The following GBE1 variants were observed in gnomAD, a reference collection of about 807,000 sequenced individuals.
GBE1 encodes the protein 1,4-alpha-glucan-branching enzyme.
GBE1 carries 70 observed loss-of-function variants against 88.8 expected under a neutral mutation model. The observed-to-expected ratio is 0.79, with a 90% CI of 0.65 to 0.96. The LOEUF is 0.96. GBE1 is among the 40% of genes least tolerant of loss of function. The pLI, the probability that GBE1 is intolerant of heterozygous loss-of-function variation, is 0.00. For synonymous variants in GBE1, 284 were observed against 300.1 expected, an observed-to-expected ratio of 0.95 and a Z score of 0.56; for missense variants, 872 against 871.0, an observed-to-expected ratio of 1.00 and a Z score of -0.01.
chr3:81,638,792 T>C (rs1391140676), intron 7 of GBE1, among the ~76,000 whole-genome samples: 3 of 152,156 alleles, frequency 2.0e-5, no homozygotes, highest in Admixed American at 6.6e-5. Flanking sequence ...TTCTGGTAAC[T>C]TTGATGATGG....
chr3:81,644,236 T>C (rs1256146063), intron 6 of GBE1, among the ~76,000 whole-genome samples: 3 of 151,864 alleles, frequency 2.0e-5, no homozygotes, highest in Non-Finnish European at 4.4e-5. Context: ...GCAAAATACA[T>C]AGAATGTCGA....
intron 9 of GBE1, among the ~76,000 whole-genome samples, chr3:81,588,238 A>G (rs570992354): frequency 2.9e-4 from 44 of 152,120 alleles, no homozygotes; most frequent in African/African-American, 6.5e-4. Context: ...TAGAAAAAAG[A>G]TCAGTAGAAA....
intron 5 of GBE1, among the ~76,000 whole-genome samples, chr3:81,648,491 A>AT (rs1412743416): frequency 6.6e-6 from 1 of 152,014 alleles, no homozygotes; most frequent in African/African-American, 2.4e-5. Context: ...CAGATAAAAT[A>AT]TTTTTTTCCT....
intron 3 of GBE1, among the ~76,000 whole-genome samples, chr3:81,661,568 G>A (rs1705032623): frequency 1.3e-5 from 2 of 152,126 alleles, no homozygotes; most frequent in Non-Finnish European, 2.9e-5. Context: ...GCTTTTATAT[G>A]TATCTTGGAC....
chr3:81,696,216 A>G (rs1444686859), intron 2 of GBE1, among the ~76,000 whole-genome samples: 1 of 152,252 alleles, frequency 6.6e-6, no homozygotes, highest in Non-Finnish European at 1.5e-5. Flanking sequence ...ACCAAGCGTC[A>G]AGACTAATCA....
intron 1 of GBE1, among the ~76,000 whole-genome samples, chr3:81,741,604 G>A (rs1321974009): frequency 6.6e-6 from 1 of 151,828 alleles, no homozygotes; most frequent in African/African-American, 2.4e-5. Context: ...TTTGTACACA[G>A]AAATCAGCAT....
chr3:81,495,850 A>C (rs1702494003), intron 15 of GBE1, among the ~76,000 whole-genome samples: 1 of 152,192 alleles, frequency 6.6e-6, no homozygotes, highest in South Asian at 2.1e-4. Context: ...CTACTTTTGA[A>C]CCTCCAAATT....
chr3:81,614,994 C>A (rs1384694733), intron 7 of GBE1, among the ~76,000 whole-genome samples: 1 of 149,664 alleles, frequency 6.7e-6, no homozygotes, highest in Non-Finnish European at 1.5e-5. Context: ...TGTACTCCAG[C>A]ATAGGTTACA....
intron 1 of GBE1, among the ~76,000 whole-genome samples, chr3:81,712,327 A>G (rs1301388326): frequency 1.3e-5 from 2 of 152,238 alleles, no homozygotes; most frequent in Non-Finnish European, 2.9e-5. Flanking sequence ...ATTATAAATC[A>G]TGCTGCTATA....
intron 9 of GBE1, among the ~76,000 whole-genome samples, chr3:81,587,523 T>C (rs1290973019): frequency 6.6e-6 from 1 of 152,142 alleles, no homozygotes; most frequent in African/African-American, 2.4e-5. Flanking sequence ...TAGCCAACAA[T>C]AGAAAATTCA....
At chr3:81,521,390 A>T (rs1461178436) in intron 14 of GBE1, among the ~76,000 whole-genome samples, 1 of 151,614 alleles carries the variant, frequency 6.6e-6, no homozygotes, top group Non-Finnish European at 1.5e-5. Flanking sequence ...TCTGTATTCA[A>T]TTCACTTGCT....
intron 3 of GBE1, among the ~76,000 whole-genome samples, chr3:81,658,915 T>A (rs927685401): frequency 6.6e-6 from 1 of 152,216 alleles, no homozygotes; most frequent in Non-Finnish European, 1.5e-5. Context: ...GTTGTAATCA[T>A]GTAAAGATTG....
At chr3:81,688,795 A>C (rs1041535231) in intron 2 of GBE1, among the ~76,000 whole-genome samples, 1 of 151,656 alleles carries the variant, frequency 6.6e-6, no homozygotes, top group African/African-American at 2.4e-5. Context: ...TTTAAAACAG[A>C]TCTTAATTTT....
At chr3:81,751,441 A>C (rs568016591) in intron 1 of GBE1, among the ~76,000 whole-genome samples, 2 of 152,372 alleles carry the variant, frequency 1.3e-5, no homozygotes, top group East Asian at 3.9e-4. Context: ...CTTTCAGCTA[A>C]GGATGACCAT....
At chr3:81,594,779 A>G (rs1703934006) in intron 7 of GBE1, among the ~76,000 whole-genome samples, 1 of 152,026 alleles carries the variant, frequency 6.6e-6, no homozygotes, top group South Asian at 2.1e-4. Context: ...ACCACACGAA[A>G]CAAGTCTGTT....
intron 2 of GBE1, among the ~76,000 whole-genome samples, chr3:81,691,381 T>C (rs1705517908): frequency 6.6e-6 from 1 of 152,194 alleles, no homozygotes; most frequent in South Asian, 2.1e-4. Context: ...CGACTTAGCT[T>C]TTAACAATGT....
intron 14 of GBE1, among the ~76,000 whole-genome samples, chr3:81,501,686 C>CTTTTTTTTTTTTTT (rs35149061): frequency 8.3e-5 from 6 of 71,994 alleles, no homozygotes; most frequent in African/African-American, 3.0e-4. Context: ...CTTAGGGGCA[C>CTTTTTTTTTTTTTT]TTTTTTTTTT....
chr3:81,734,093 T>C (rs192659068), intron 1 of GBE1, among the ~76,000 whole-genome samples: 4 of 152,316 alleles, frequency 2.6e-5, no homozygotes, highest in Admixed American at 2.6e-4. Context: ...ATTTCTAAAG[T>C]TTTCCAAAAT....
intron 1 of GBE1, among the ~76,000 whole-genome samples, chr3:81,734,454 G>A (rs1245025586): frequency 6.6e-6 from 1 of 152,116 alleles, no homozygotes; most frequent in Non-Finnish European, 1.5e-5. Flanking sequence ...ATCAATATTT[G>A]AACACAGTAT....
Sources: gnomAD v4.1 joint callset for allele counts (sites outside exome capture counted in the v4.1 genomes callset) on GRCh38, gnomAD v4.1.1 for gene constraint, MANE v1.5 for transcripts, NCBI Gene and HGNC (gene_info 2026-07-23, HGNC 2026-07-21) for gene names.